Variants in LRRK1 observed in about 807,000 individuals in gnomAD.
LRRK1 encodes leucine rich repeat kinase 1.
Under a neutral mutation model 209.1 loss-of-function variants are expected in LRRK1, and 113 were observed. The observed-to-expected ratio is 0.54, with a 90% confidence interval of 0.46 to 0.63. The LOEUF is 0.63. Ranked by LOEUF, LRRK1 falls within the 30% of genes least tolerant of loss-of-function variation. The pLI is 0.00. For missense variants in LRRK1, 2,284 were observed against 2,632.2 expected (o/e 0.87, Z 2.89); for synonymous variants, 1,144 against 1,099.7 (o/e 1.04, Z -0.80).
intron 2 of LRRK1, among the ~76,000 whole-genome samples, chr15:100,944,930 T>C (rs1413436255): frequency 6.6e-6 from 1 of 152,244 alleles, no homozygotes. Flanking sequence ...GTCTGATTTT[T>C]CCCCTCTTTT....
At chr15:101,053,872 C>T (rs574179887) in intron 26 of LRRK1, among the ~76,000 whole-genome samples, 1 of 152,324 alleles carries the variant, frequency 6.6e-6, no homozygotes, top group Non-Finnish European at 1.5e-5. Context: ...AGCAGCTAAA[C>T]TCCAGAGTGG....
chr15:101,008,778 G>A, intron 6 of LRRK1, 59 bp from the exon 7 acceptor site: 1 of 1,302,328 alleles, frequency 7.7e-7, no homozygotes, highest in Non-Finnish European at 1.1e-6. Context: ...TTTATTCCAA[G>A]CCCATGTGGG....
chr15:101,034,067 T>C (rs1489207596), intron 20 of LRRK1, among the ~76,000 whole-genome samples: 1 of 152,204 alleles, frequency 6.6e-6, no homozygotes, highest in African/African-American at 2.4e-5. Context: ...ATGTCTTCTT[T>C]TGAAAAATGT....
At chr15:100,962,090 T>G (rs1596203540) in intron 2 of LRRK1, among the ~76,000 whole-genome samples, 1 of 152,208 alleles carries the variant, frequency 6.6e-6, no homozygotes, top group East Asian at 1.9e-4. Context: ...ATAATACCAC[T>G]GAAGAACTGG....
intron 2 of LRRK1, among the ~76,000 whole-genome samples, chr15:100,937,461 G>A (rs1028768454): frequency 2.6e-5 from 4 of 151,728 alleles, no homozygotes; most frequent in South Asian, 2.1e-4. Context: ...CTTTAGCTAC[G>A]TGGAACTTTA....
Position 101,001,284 on chromosome 15 carries a change from C to G in LRRK1, c.763-7553C>G, listed in dbSNP as rs115934168. 2.8e-3 allele frequency among the ~76,000 whole-genome samples: 424 copies of G among 152,214 alleles called. 3 individuals carry two copies. The highest frequency in any genetic ancestry group is 9.6e-3 in the African/African-American group (400 of 41,500). On this transcript the variant is annotated intron_variant, in intron 6 of 33. Transcript: ENST00000388948. Reference sequence around the variant, plus strand: ...CTGTAGCCTTGAAATTTACCTTCAGCTTGTGGGCGTCGGTGCACAGACGCT... The same window carrying G: ...CTGTAGCCTTGAAATTTACCTTCAGGTTGTGGGCGTCGGTGCACAGACGCT...
At chr15:101,062,109 C>T (rs1567284489) in intron 30 of LRRK1, among the ~76,000 whole-genome samples, 3 of 152,222 alleles carry the variant, frequency 2.0e-5, no homozygotes, top group South Asian at 2.1e-4. Context: ...CTAGAATGGG[C>T]GAGAGCAAGG....
chr15:100,924,615 C>G lies in LRRK1; in HGVS notation c.-18C>G. The G allele has an allele frequency of 6.2e-7, 1 of 1,612,534 alleles. No homozygotes were observed. ...AACAGCGGGACCTGCCTTTGAAGAT[C>G]GGCTGCTGCAAGGGTTGATGGCTGG... On this transcript the variant is annotated 5_prime_UTR_variant, in exon 2 of 34. In the 5' UTR this introduces an upstream ATG that the reference lacks. Transcript: ENST00000388948.
Position 101,077,200 on chromosome 15 carries a change from A to G in LRRK1, c.*8352A>G, listed in dbSNP as rs1316888678. On this transcript the variant is annotated 3_prime_UTR_variant, in exon 34 of 34. Coordinates refer to ENST00000388948, the MANE Select transcript of LRRK1 (RefSeq NM_024652.6). ...GTACAGCCCATTTGAGCTCCTGTAT[A>G]GACGCTCCTTTTTATTAGGCCCCAG... The G allele has an allele frequency of 6.6e-6, 1 of 152,238 alleles. No individual in the cohort carries two copies. The highest frequency in any genetic ancestry group is 6.5e-5 in the Admixed American group (1 of 15,290). 9.4% of individuals were successfully genotyped at this position (152,238 alleles called of 1,614,324 possible).
At chr15:100,984,747 T>C (rs1313344785) in intron 4 of LRRK1, among the ~76,000 whole-genome samples, 1 of 152,154 alleles carries the variant, frequency 6.6e-6, no homozygotes, top group Non-Finnish European at 1.5e-5. Flanking sequence ...TTTTCTCTGG[T>C]GAACTCAAGA....
chr15:100,976,680 T>C (rs60012696), intron 3 of LRRK1, among the ~76,000 whole-genome samples: 25,070 of 152,246 alleles, frequency 0.16, 2,608 homozygotes, highest in South Asian at 0.26. Context: ...TGCTAGGAAC[T>C]TACCCCTACA....
intron 10 of LRRK1, among the ~76,000 whole-genome samples, chr15:101,012,900 C>CG (rs57376372): frequency 0.071 from 10,617 of 149,766 alleles, 403 homozygotes; most frequent in Non-Finnish European, 0.087. Context: ...GGGGTGCCCC[C>CG]GGGGGGGGGT....
chr15:101,053,073 G>A lies in LRRK1; in HGVS notation c.3841G>A (p.Ala1281Thr). ...RFHIKKFKNFANVPADTMLRH... is the reference protein window; with the variant it reads ...RFHIKKFKNFTNVPADTMLRH... ...CCACATCAAAAAATTCAAGAACTTT[G>A]CTAACGTACCGGCAGGTAAGCGGGT... is the stretch of plus-strand genomic sequence containing the variant. Residue 1281 changes from alanine (A) to threonine (T), a missense_variant, in exon 25 of 34, where the codon GCT (alanine) becomes ACT (threonine). This residue lies in a region of LRRK1 where 780 missense variants were observed against 985.2 expected (regional missense o/e 0.79). Transcript: ENST00000388948. The A allele has an allele frequency of 1.2e-6, 2 of 1,608,770 alleles. No individual in the cohort carries two copies. The highest frequency in any genetic ancestry group is 4.5e-5 in the East Asian group (2 of 44,714).
chr15:101,073,237 A>G lies in LRRK1; in HGVS notation c.*4389A>G, dbSNP rs1007984682. 6.6e-6 allele frequency: 1 copy of G among 152,336 alleles called. No homozygotes were observed. The highest frequency in any genetic ancestry group is 2.4e-5 in the African/African-American group (1 of 41,454). The allele number at this position is 152,336 out of a possible 1,614,324, so 9.4% of individuals were successfully genotyped here. On this transcript the variant is annotated 3_prime_UTR_variant, in exon 34 of 34. Coordinates refer to ENST00000388948, the MANE Select transcript of LRRK1 (RefSeq NM_024652.6). ...GGTAGAGATAAAGGAGACACGTTTT[A>G]TCCGTGGACCCAAAACTCCAGCGCC...
intron 2 of LRRK1, among the ~76,000 whole-genome samples, chr15:100,948,129 A>G (rs144230091): frequency 8.5e-5 from 13 of 152,334 alleles, no homozygotes; most frequent in African/African-American, 2.2e-4. Context: ...CGTTCTCTCA[A>G]GAAAGCTCCC....
intron 7 of LRRK1, 51 bp downstream of exon 7, chr15:101,009,114 T>G (rs2141691960): frequency 4.3e-6 from 6 of 1,380,926 alleles, no homozygotes; most frequent in Non-Finnish European, 6.1e-6. Context: ...CTGTCACCGT[T>G]GTGCTCCTGC....
At chr15:100,963,681 C>T (rs964522311) in intron 2 of LRRK1, among the ~76,000 whole-genome samples, 5 of 152,154 alleles carry the variant, frequency 3.3e-5, no homozygotes, top group African/African-American at 9.7e-5. Context: ...AGGGAAATGC[C>T]TAGAAGAGAA....
intron 7 of LRRK1, among the ~76,000 whole-genome samples, chr15:101,009,742 C>T (rs1039699630): frequency 6.6e-6 from 1 of 152,120 alleles, no homozygotes; most frequent in Admixed American, 6.6e-5. Flanking sequence ...CACATGCCAC[C>T]ACACCCAGCT....
rs987723394 is a variant in LRRK1, at chr15:101,014,197, G to A, written c.1420-119G>A. On this transcript the variant is annotated intron_variant, in intron 10 of 33. Transcript: ENST00000388948. ...CCACACAGCTGGGATCTGCGTGAAGGAAAATTGGTTGGAATCGTTTGACTG... is the reference window on the plus strand; with the variant it reads ...CCACACAGCTGGGATCTGCGTGAAGAAAAATTGGTTGGAATCGTTTGACTG... The A allele has an allele frequency of 1.7e-5, 12 of 721,014 alleles. No individual in the cohort carries two copies. The African/African-American group carries it at 1.9e-4, about 12-fold the overall frequency. 44.7% of individuals were successfully genotyped at this position (721,014 alleles called of 1,614,324 possible).
Sources: allele counts gnomAD v4.1 joint callset (sites outside exome capture counted in the v4.1 genomes callset), GRCh38; gene constraint gnomAD v4.1.1; regional missense constraint gnomAD v4.1.1; transcripts MANE v1.5; gene names NCBI Gene and HGNC (gene_info 2026-07-23, HGNC 2026-07-21).